GATA6: variants seen among roughly 807,000 people sequenced by gnomAD.
The protein encoded by GATA6 is transcription factor GATA-6.
In GATA6, 11 loss-of-function variants were observed where a neutral mutation model predicts 48.1. The observed-to-expected ratio is 0.23, with a 90% CI of 0.14 to 0.38. GATA6 has a LOEUF of 0.38. Among genes scored for constraint, GATA6 ranks in the 10% least tolerant of loss-of-function variants. The probability of loss-of-function intolerance (pLI) is 1.00; values close to 1 mark genes in which losing one functional copy is unlikely to be tolerated. For synonymous variants in GATA6, 419 were observed against 396.1 expected (o/e 1.06, Z -0.69); for missense variants, 795 against 850.3 (o/e 0.93, Z 0.81).
chr18:22,178,845 A>G (rs1598736735), intron 3 of GATA6, among the ~76,000 whole-genome samples: 2 of 152,358 alleles, frequency 1.3e-5, no homozygotes, highest in Non-Finnish European at 2.9e-5. Flanking sequence ...TTGTTTTCAT[A>G]TAATAGACAA....
Position 22,200,910 on chromosome 18 carries a change from G to T in GATA6, c.*87G>T. ...TTTGTGCAGCGGTCCAGACAGTGGC[G>T]ACTGCGCTGACAGAACGTGATTCTC... is the stretch of plus-strand genomic sequence containing the variant. On this transcript the variant is annotated 3_prime_UTR_variant, in exon 7 of 7. Coordinates refer to ENST00000269216, the MANE Select transcript of GATA6 (RefSeq NM_005257.6). The T allele has an allele frequency of 7.5e-7, 1 of 1,329,178 alleles. No homozygotes were observed. The highest frequency in any genetic ancestry group is 1.0e-6 in the Non-Finnish European group (1 of 960,760). The allele number at this position is 1,329,178 out of a possible 1,614,324, so 82.3% of individuals were successfully genotyped here.
At chr18:22,176,149 CT>C (rs2033118794) in intron 2 of GATA6, among the ~76,000 whole-genome samples, 1 of 152,140 alleles carries the variant, frequency 6.6e-6, no homozygotes, top group Admixed American at 6.5e-5. Flanking sequence ...CGATTGCTAA[CT>C]CAAAATGATC....
At chr18:22,187,928 T>G (rs181438658) in intron 6 of GATA6, among the ~76,000 whole-genome samples, 57 of 152,212 alleles carry the variant, frequency 3.7e-4, no homozygotes, top group Middle Eastern at 3.4e-3. Flanking sequence ...TAAAAATAGT[T>G]TCTATAAATA....
At position 22,172,030 on chromosome 18, in the gene GATA6, G is replaced by A. The variant is rs1214780008; in HGVS notation, c.886G>A (p.Gly296Ser). The change falls in exon 2 of 7, where the codon GGC becomes AGC. Residue 296 changes from glycine (G) to serine (S), a missense_variant. This residue lies in a region of GATA6 where 591 missense variants were observed against 570.0 expected (regional missense o/e 1.04). Coordinates refer to ENST00000269216, the MANE Select transcript of GATA6 (RefSeq NM_005257.6). This position sits in a 1 kb window ranked among gnomAD's most constrained non-coding sequence, Gnocchi z 5.2. ...TGGGGGCGCGGGAGGCGTGAGCGGCGGCGGCAGTAGCCTGGCGGCCATGGG... is the reference window on the plus strand; with the variant it reads ...TGGGGGCGCGGGAGGCGTGAGCGGCAGCGGCAGTAGCCTGGCGGCCATGGG... Reference protein sequence around the residue: ...GSGGAGGVSGGGSSLAAMGGR... With the variant: ...GSGGAGGVSGSGSSLAAMGGR... 3 of 1,249,610 alleles carry A rather than the reference G, an allele frequency of 2.4e-6. No individual in the cohort carries two copies. The highest frequency in any genetic ancestry group is 3.0e-6 in the Non-Finnish European group (3 of 1,000,196). 77.4% of individuals were successfully genotyped at this position (1,249,610 alleles called of 1,614,324 possible).
Position 22,172,044 on chromosome 18 carries a change from G to C in GATA6, c.900G>C (p.Leu300=), listed in dbSNP as rs1060503826. The C allele has an allele frequency of 1.6e-6, 2 of 1,264,320 alleles. No homozygotes were observed. The highest frequency in any genetic ancestry group is 2.0e-6 in the Non-Finnish European group (2 of 1,007,974). 78.3% of individuals were successfully genotyped at this position (1,264,320 alleles called of 1,614,324 possible). Residue 300 remains leucine, a synonymous_variant, in exon 2 of 7, where the codon CTG becomes CTC. Coordinates refer to ENST00000269216, the MANE Select transcript of GATA6 (RefSeq NM_005257.6). The surrounding 1 kb of genome is among the most constrained non-coding windows in gnomAD (Gnocchi z 5.2). ...AGGVSGGGSS[L]AAMGGREPQY... is the part of the protein sequence containing the mutation. ...GCGTGAGCGGCGGCGGCAGTAGCCT[G>C]GCGGCCATGGGCGGCCGCGAGCCCC...
intron 4 of GATA6, among the ~76,000 whole-genome samples, chr18:22,181,883 A>C (rs908512441): frequency 4.6e-5 from 7 of 151,170 alleles, no homozygotes; most frequent in East Asian, 3.8e-4. Flanking sequence ...AAAATGTGAA[A>C]AGTGTGTATT....
rs1255568359 is a variant in GATA6 at position 22,185,945 on chromosome 18, A to C, written c.1620+2902A>C. On this transcript the variant is annotated intron_variant, in intron 6 of 6. Coordinates refer to ENST00000269216, the MANE Select transcript of GATA6 (RefSeq NM_005257.6). The surrounding 1 kb of genome is among the most constrained non-coding windows in gnomAD (Gnocchi z 4.3). The stretch of plus-strand genomic sequence containing the variant: ...GCATTTCTAAAAGGTGCCTGTGTTG[A>C]CAAAGGTGTGTCATTTTCCCATTTT... Among the ~76,000 whole-genome samples the C allele has an allele frequency of 3.3e-5, 5 of 152,084 alleles. No homozygotes were observed. The highest frequency in any genetic ancestry group is 1.2e-4 in the African/African-American group (5 of 41,406).
intron 6 of GATA6, among the ~76,000 whole-genome samples, chr18:22,195,615 GC>G (rs1477842310): frequency 6.6e-6 from 1 of 152,148 alleles, no homozygotes; most frequent in Non-Finnish European, 1.5e-5. Context: ...AATAGACTTG[GC>G]CCTCTCAGCT....
chr18:22,177,055 C>A lies in GATA6; in HGVS notation c.1236C>A (p.Asn412Lys). ...RRDGTGHYLC[N>K]ACGLYSKMNG... ...ACGGCACCGGCCACTACCTGTGCAA[C>A]GCCTGCGGGCTCTACAGCAAGATGA... Residue 412 changes from asparagine (N) to lysine (K), a missense_variant, in exon 3 of 7, where the codon AAC becomes AAA. Transcript: ENST00000269216. 1 of 1,575,346 alleles carries A rather than the reference C, an allele frequency of 6.3e-7. No individual in the cohort carries two copies. The highest frequency in any genetic ancestry group is 1.8e-5 in the Admixed American group (1 of 55,116).
At chr18:22,174,490 G>A (rs890876396) in intron 2 of GATA6, among the ~76,000 whole-genome samples, 1 of 152,080 alleles carries the variant, frequency 6.6e-6, no homozygotes. Flanking sequence ...ACAGTTAGAG[G>A]AATTTTCTGT....
chr18:22,175,881 G>A (rs1270467027), intron 2 of GATA6, among the ~76,000 whole-genome samples: 1 of 152,092 alleles, frequency 6.6e-6, no homozygotes, highest in Non-Finnish European at 1.5e-5. Flanking sequence ...TGCAGAACTA[G>A]GACATTTAAA....
At chr18:22,191,819 T>C (rs1463403398) in intron 6 of GATA6, among the ~76,000 whole-genome samples, 1 of 152,194 alleles carries the variant, frequency 6.6e-6, no homozygotes, top group African/African-American at 2.4e-5. Context: ...TTAAGAATGA[T>C]TTGGACAAAT....
At chr18:22,200,489 G>C in intron 6 of GATA6, 167 bp from the exon 7 acceptor site, 1 of 834,084 alleles carries the variant, frequency 1.2e-6, no homozygotes, top group Non-Finnish European at 2.0e-6. Flanking sequence ...CTTGCTGGGG[G>C]CAGGGGATAG....
In GATA6 at chr18:22,171,603, T is replaced by C. The variant is rs752220329; in HGVS notation, c.459T>C (p.Ala153=). The change falls in exon 2 of 7, where the codon GCT becomes GCC. Residue 153 remains alanine (A), a synonymous_variant. Transcript: ENST00000269216. This position sits in a 1 kb window ranked among gnomAD's most constrained non-coding sequence, Gnocchi z 7.1. The part of the protein sequence containing the change: ...QPEEMYQTLA[A]LSSQGPAAYD... The stretch of plus-strand genomic sequence containing the variant: ...AGGAGATGTACCAGACCCTCGCCGC[T>C]CTCTCCAGCCAGGGTCCGGCCGCCT... 6 of 1,599,668 alleles carry C rather than the reference T, an allele frequency of 3.8e-6. No homozygotes were observed. The South Asian group carries it at 6.6e-5, about 18-fold the overall frequency.
chr18:22,173,709 G>T (rs1027917831), intron 2 of GATA6, among the ~76,000 whole-genome samples: 2 of 152,192 alleles, frequency 1.3e-5, no homozygotes, highest in African/African-American at 4.8e-5. Context: ...CTGGAGTGCA[G>T]TGGCTCACTG....
chr18:22,187,614 G>A (rs1238776359), intron 6 of GATA6, among the ~76,000 whole-genome samples: 1 of 151,796 alleles, frequency 6.6e-6, no homozygotes, highest in Non-Finnish European at 1.5e-5. Flanking sequence ...TTATTTAGGA[G>A]AGAAACATGG....
chr18:22,200,609 C>A (rs374211749), intron 6 of GATA6, 47 bp from the exon 7 acceptor site: 3 of 1,611,910 alleles, frequency 1.9e-6, no homozygotes, highest in Admixed American at 1.7e-5. Flanking sequence ...GGATTGTAAC[C>A]GCTTCTCACC....
At position 22,171,105 on chromosome 18, in the gene GATA6, C is replaced by T; in HGVS notation, c.-37-3C>T. ...CATACCCGTCTCCCCCACCCCACCT[C>T]AGGAGCTAGACGTCAGCTTGGAGCG... On this transcript the variant is annotated splice_region_variant and splice_polypyrimidine_tract_variant and intron_variant, in intron 1 of 6. Transcript: ENST00000269216. This position sits in a 1 kb window ranked among gnomAD's most constrained non-coding sequence, Gnocchi z 7.1. 1.3e-6 allele frequency: 2 copies of T among 1,578,040 alleles called. No individual in the cohort carries two copies. Among genetic ancestry groups the T allele is most frequent in the South Asian group, 2.2e-5 (2 of 89,794 alleles).
In GATA6 at chr18:22,171,767, C is replaced by G; in HGVS notation, c.623C>G (p.Ser208Trp). The change falls in exon 2 of 7, where the codon TCG (serine) becomes TGG (tryptophan). Residue 208 changes from serine to tryptophan, a missense_variant. By Grantham distance (177) the Ser-to-Trp change is radical (BLOSUM62 -3). Coordinates refer to ENST00000269216, the MANE Select transcript of GATA6 (RefSeq NM_005257.6). The surrounding 1 kb of genome is among the most constrained non-coding windows in gnomAD (Gnocchi z 7.1). ...LPGLPYHLQG[S>W]GSGPANHAGG... Reference sequence around the variant, plus strand: ...GGCCTACCGTACCACCTGCAGGGGTCGGGCAGTGGGCCAGCCAACCACGCG... The same window carrying G: ...GGCCTACCGTACCACCTGCAGGGGTGGGGCAGTGGGCCAGCCAACCACGCG... 7.2e-7 allele frequency: 1 copy of G among 1,390,018 alleles called. No homozygotes were observed. The highest frequency in any genetic ancestry group is 9.2e-7 in the Non-Finnish European group (1 of 1,082,672). 86.1% of individuals were successfully genotyped at this position (1,390,018 alleles called of 1,614,324 possible).
Sources: gnomAD v4.1 joint callset for allele counts (sites outside exome capture counted in the v4.1 genomes callset) on GRCh38, gnomAD v4.1.1 for gene constraint, gnomAD v4.1.1 regional missense constraint, Gnocchi (gnomAD v3.1) non-coding constraint, MANE v1.5 for transcripts, NCBI Gene and HGNC (gene_info 2026-07-23, HGNC 2026-07-21) for gene names.